The following RGPD3 variants were observed in gnomAD, a reference collection of about 807,000 sequenced individuals.
RGPD3 encodes RANBP2 like and GRIP domain containing 3, also known as ranBP2-like and GRIP domain-containing protein 3.
A neutral mutation model predicts 154.5 loss-of-function variants in RGPD3; 62 were observed. The ratio of observed to expected loss-of-function variants is 0.40; its 90% confidence interval spans 0.33 to 0.50. RGPD3 has a LOEUF of 0.50. Among genes scored for constraint, RGPD3 ranks in the 20% least tolerant of loss-of-function variants. The probability of loss-of-function intolerance (pLI) is 0.59; values close to 1 mark genes in which losing one functional copy is unlikely to be tolerated. For synonymous variants in RGPD3, 308 were observed against 607.0 expected, an observed-to-expected ratio of 0.51 and a Z score of 7.24; for missense variants, 919 against 1,716.8, an observed-to-expected ratio of 0.54 and a Z score of 8.21.
chr2:106,446,609 G>A (rs1229507334), intron 7 of RGPD3, among the ~76,000 whole-genome samples: 43 of 132,212 alleles, frequency 3.3e-4, no homozygotes, highest in African/African-American at 9.8e-4. Context: ...CGCGCCAGGC[G>A]CAGTGCCTCG....
At chr2:106,465,232 A>C (rs1481991370) in intron 1 of RGPD3, among the ~76,000 whole-genome samples, 5 of 151,670 alleles carry the variant, frequency 3.3e-5, no homozygotes, top group Admixed American at 6.6e-5. Flanking sequence ...TTTACCTTCT[A>C]TCCAAAGCAC....
At chr2:106,421,665 G>C (rs1191537027) in intron 20 of RGPD3, among the ~76,000 whole-genome samples, 2 of 151,998 alleles carry the variant, frequency 1.3e-5, no homozygotes, top group Non-Finnish European at 2.9e-5. Flanking sequence ...TTAAAAACGG[G>C]GGTCCATTTT....
chr2:106,406,843 G>C (rs1448154799), intron 22 of RGPD3, among the ~76,000 whole-genome samples: 4 of 151,898 alleles, frequency 2.6e-5, no homozygotes, highest in African/African-American at 7.3e-5. Context: ...TTTGACCTTA[G>C]GCAGAGTAGC....
intron 9 of RGPD3, among the ~76,000 whole-genome samples, chr2:106,438,285 G>C (rs1558849551): frequency 6.6e-6 from 1 of 151,766 alleles, no homozygotes; most frequent in Non-Finnish European, 1.5e-5. Context: ...AGGAGTTGGA[G>C]ACTAGCCTGG....
intron 1 of RGPD3, among the ~76,000 whole-genome samples, chr2:106,463,078 C>T (rs1678451369): frequency 6.6e-6 from 1 of 151,470 alleles, no homozygotes; most frequent in Non-Finnish European, 1.5e-5. Context: ...AAATGAGTTT[C>T]CCAATTGAAA....
chr2:106,464,718 ATTTTTTTC>A (rs1217268124), intron 1 of RGPD3, among the ~76,000 whole-genome samples: 19 of 146,956 alleles, frequency 1.3e-4, no homozygotes, highest in African/African-American at 3.0e-4. Context: ...AAAATTATAT[ATTTTTTTC>A]TTTTTTTCTT....
At chr2:106,405,563 G>T (rs887166809) in intron 22 of RGPD3, among the ~76,000 whole-genome samples, 13 of 151,984 alleles carry the variant, frequency 8.6e-5, no homozygotes, top group African/African-American at 3.1e-4. Context: ...TTTTGGTAGA[G>T]ATGCAGGTCT....
In RGPD3 at chr2:106,405,031, T is replaced by C. The variant is rs1043938724; in HGVS notation, c.*188A>G. 1 of 707,558 alleles carries C rather than the reference T, an allele frequency of 1.4e-6. No homozygotes were observed. Among genetic ancestry groups the C allele is most frequent in the African/African-American group, 1.8e-5 (1 of 55,278 alleles). 43.8% of individuals were successfully genotyped at this position (707,558 alleles called of 1,614,324 possible). A position where few individuals can be genotyped will look rare whatever the true frequency, so the allele number is the denominator to read the frequency against. ...TGAAACTTTTAAAATACATCTGTCA[T>C]ATAGATGTACAAATATATGTAAATG... On this transcript the variant is annotated 3_prime_UTR_variant, in exon 23 of 23. Transcript: ENST00000409886.
At chr2:106,462,744 G>A in intron 1 of RGPD3, among the ~76,000 whole-genome samples, 1 of 151,784 alleles carries the variant, frequency 6.6e-6, no homozygotes, top group Non-Finnish European at 1.5e-5. Context: ...ACAGTCAAAT[G>A]AATCTCCCTC....
At chr2:106,452,041 AAAG>A (rs1678140330) in intron 6 of RGPD3, 161 bp downstream of exon 6, 1 of 239,412 alleles carries the variant, frequency 4.2e-6, no homozygotes, top group Non-Finnish European at 7.6e-6. Context: ...CTTCCCCGTA[AAAG>A]AAGAAAAATA....
chr2:106,446,538 C>G (rs1214382339), intron 7 of RGPD3, among the ~76,000 whole-genome samples: 1 of 111,004 alleles, frequency 9.0e-6, no homozygotes, highest in Non-Finnish European at 1.9e-5. Context: ...CCACTGCACT[C>G]CAGCCTGGGC....
chr2:106,412,523 T>C (rs924105650), intron 22 of RGPD3, among the ~76,000 whole-genome samples: 19 of 151,474 alleles, frequency 1.3e-4, no homozygotes, highest in Non-Finnish European at 2.4e-4. Context: ...TTGGCCAGGA[T>C]GGTCTCGGTA....
chr2:106,464,624 G>A (rs1211069149), intron 1 of RGPD3, among the ~76,000 whole-genome samples: 2 of 151,754 alleles, frequency 1.3e-5, no homozygotes, highest in Admixed American at 1.3e-4. Flanking sequence ...TGAGAAGTAG[G>A]AATCAGCTGC....
At chr2:106,412,301 T>G (rs1219842137) in intron 22 of RGPD3, among the ~76,000 whole-genome samples, 4 of 54,714 alleles carry the variant, frequency 7.3e-5, no homozygotes, top group Non-Finnish European at 1.5e-4. Flanking sequence ...TAGTTTTTTT[T>G]TTTTTTTTTT....
At chr2:106,432,778 T>TAAAA (rs71272785) in intron 17 of RGPD3, among the ~76,000 whole-genome samples, 157 bp downstream of exon 17, 3 of 76,090 alleles carry the variant, frequency 3.9e-5, no homozygotes, top group Non-Finnish European at 4.8e-5. Context: ...GACCCTGCCT[T>TAAAA]AAAAAAAAAA....
intron 7 of RGPD3, among the ~76,000 whole-genome samples, chr2:106,441,962 C>T (rs1214067712): frequency 2.2e-5 from 3 of 134,810 alleles, no homozygotes; most frequent in Non-Finnish European, 3.1e-5. Context: ...GGGGGGATCA[C>T]TTGAGCCCAG....
chr2:106,410,256 C>T (rs1454592640), intron 22 of RGPD3, among the ~76,000 whole-genome samples: 1 of 152,118 alleles, frequency 6.6e-6, no homozygotes. Context: ...ATAATAAGGT[C>T]TCTTTTATGT....
chr2:106,448,794 G>C (rs1044624108), intron 6 of RGPD3, among the ~76,000 whole-genome samples: 28 of 151,864 alleles, frequency 1.8e-4, no homozygotes, highest in African/African-American at 4.6e-4. Flanking sequence ...AGGTTCAAGC[G>C]ATTCTTCTGC....
chr2:106,470,201 T>C (rs2104535817), upstream of RGPD3, among the ~76,000 whole-genome samples: 1 of 152,382 alleles, frequency 6.6e-6, no homozygotes, highest in Admixed American at 6.5e-5. Context: ...TGCCTCACCC[T>C]ACAGACTACT....
Sources: allele counts gnomAD v4.1 joint callset (sites outside exome capture counted in the v4.1 genomes callset), GRCh38; gene constraint gnomAD v4.1.1; transcripts MANE v1.5; gene names NCBI Gene and HGNC (gene_info 2026-07-23, HGNC 2026-07-21).